The following LYST variants were observed in gnomAD, a reference collection of about 807,000 sequenced individuals.
The protein encoded by LYST is lysosomal trafficking regulator.
Under a neutral mutation model 413.6 loss-of-function variants are expected in LYST, and 192 were observed. The observed-to-expected ratio is 0.46, with a 90% CI of 0.41 to 0.52. The LOEUF (loss-of-function observed/expected upper bound fraction) is 0.52. Ranked by LOEUF, LYST falls within the 20% of genes least tolerant of loss-of-function variation. The pLI is 0.00. For synonymous variants in LYST, 1,525 were observed against 1,567.3 expected (o/e 0.97, Z 0.64); for missense variants, 3,815 against 4,499.9 (o/e 0.85, Z 4.35).
intron 25 of LYST, 45 bp downstream of exon 25, chr1:235,755,433 A>AAAAGAAAAG: frequency 8.6e-7 from 1 of 1,163,382 alleles, no homozygotes; most frequent in Non-Finnish European, 1.2e-6. Context: ...GAAAAGAAAA[A>AAAAGAAAAG]AGACAAAAGA....
At chr1:235,827,345 G>A (rs896435595) in intron 3 of LYST, 12 of 727,882 alleles carry the variant, frequency 1.6e-5, no homozygotes, top group Non-Finnish European at 1.8e-5. Context: ...GTCCAGCCTG[G>A]GTGAAAAAGT....
chr1:235,788,845 T>G lies in LYST; in HGVS notation c.4544A>C (p.Glu1515Ala), dbSNP rs1355667337. The change falls in exon 13 of 53, where the codon GAG (glutamate) becomes GCG (alanine). Residue 1515 changes from glutamate to alanine, a missense_variant and splice_region_variant. Around this residue, in one of 4 missense-constraint regions of LYST, gnomAD observed 1,648 missense variants for 1,810.3 expected, o/e 0.91. Transcript: ENST00000389793. ...CTCTGCACCTTCTGGTCTGTCGCTC[T>G]CTATAAGAAAAAGATGTTAGAATGA... ...ILPDSSFDGT[E>A]SDRPEGAEYI... 1.2e-6 allele frequency: 2 copies of G among 1,613,348 alleles called. No individual in the cohort carries two copies. The highest frequency in any genetic ancestry group is 2.7e-5 in the African/African-American group (2 of 74,918).
intron 40 of LYST, among the ~76,000 whole-genome samples, chr1:235,717,535 G>T (rs1662954009): frequency 6.6e-6 from 1 of 152,048 alleles, no homozygotes; most frequent in African/African-American, 2.4e-5. Flanking sequence ...AGGAGCAAAA[G>T]AAAAAGCTCT....
At chr1:235,669,026 G>A (rs1246696425) in intron 50 of LYST, among the ~76,000 whole-genome samples, 1 of 152,180 alleles carries the variant, frequency 6.6e-6, no homozygotes, top group Non-Finnish European at 1.5e-5. Flanking sequence ...ATGTTTTGTA[G>A]AAACAACAAT....
rs1375678536 is a variant in LYST, at chr1:235,664,913, C to A, written c.11039-292G>T. On this transcript the variant is annotated intron_variant, in intron 50 of 52. Transcript: ENST00000389793. This position sits in a 1 kb window ranked among gnomAD's most constrained non-coding sequence, Gnocchi z 4.5. ...AATTCAAGAGATTCTTCTGCCTCAG[C>A]CTTCTAAGTTGCTGGGACAACAGGT... 1.3e-5 allele frequency among the ~76,000 whole-genome samples: 2 copies of A among 152,152 alleles called. No homozygotes were observed. Among genetic ancestry groups the A allele is most frequent in the African/African-American group, 4.8e-5 (2 of 41,412 alleles).
intron 38 of LYST, 90 bp downstream of exon 38, chr1:235,727,986 T>A: frequency 1.1e-6 from 1 of 933,162 alleles, no homozygotes; most frequent in Non-Finnish European, 1.8e-6. Context: ...TGAACTCTAA[T>A]AGTTCTTCCT....
At position 235,809,341 on chromosome 1, in the gene LYST, G is replaced by T; in HGVS notation, c.1477C>A (p.His493Asn). The change falls in exon 5 of 53, where the codon CAT (histidine) becomes AAT (asparagine). Residue 493 changes from histidine (H) to asparagine (N), a missense_variant. By Grantham distance (68) the His-to-Asn change is moderately conservative. Around this residue, in one of 4 missense-constraint regions of LYST, gnomAD observed 1,648 missense variants for 1,810.3 expected, o/e 0.91. Coordinates refer to ENST00000389793, the MANE Select transcript of LYST (RefSeq NM_000081.4). This position sits in a 1 kb window ranked among gnomAD's most constrained non-coding sequence, Gnocchi z 4.0. ...TGCCTTTTTCTTGTACACATCGAAT[G>T]ATGAAGTTGCTCTGATTTCACTTTT... is the stretch of plus-strand genomic sequence containing the variant. ...VKKVKSEQLH[H>N]SMCTRKRHRR... 6.2e-7 allele frequency: 1 copy of T among 1,613,996 alleles called. No homozygotes were observed. Among genetic ancestry groups the T allele is most frequent in the South Asian group, 1.1e-5 (1 of 91,068 alleles).
intron 45 of LYST, among the ~76,000 whole-genome samples, chr1:235,699,448 T>C (rs1173539928): frequency 6.6e-6 from 1 of 152,238 alleles, no homozygotes; most frequent in South Asian, 2.1e-4. Flanking sequence ...TAGTATTTCA[T>C]GGTATATATT....
chr1:235,764,201 A>G (rs1316481962), intron 21 of LYST, among the ~76,000 whole-genome samples: 4 of 152,174 alleles, frequency 2.6e-5, no homozygotes, highest in African/African-American at 9.7e-5. Flanking sequence ...CTCAGTCTTC[A>G]TATGCTCTAT....
intron 19 of LYST, among the ~76,000 whole-genome samples, chr1:235,773,265 C>T (rs1412887647): frequency 6.6e-6 from 1 of 151,764 alleles, no homozygotes; most frequent in Non-Finnish European, 1.5e-5. Context: ...TTGCAGTGAG[C>T]CAAGATCACG....
At position 235,759,265 on chromosome 1, in the gene LYST, T is replaced by G; in HGVS notation, c.6588A>C (p.Gly2196=). ...TATGATCTGCTTTGACCACTGGAAATCCCAGCACTCCCTTTGGGACATCAC... is the reference window on the plus strand; with the variant it reads ...TATGATCTGCTTTGACCACTGGAAAGCCCAGCACTCCCTTTGGGACATCAC... ...SVSDVPKGVL[G]FPVVKADHKQ... Residue 2196 remains glycine, a synonymous_variant, in exon 23 of 53, where the codon GGA becomes GGC. Transcript: ENST00000389793. The G allele has an allele frequency of 1.9e-6, 3 of 1,614,142 alleles. No individual in the cohort carries two copies. The South Asian group carries it at 3.3e-5, about 18-fold the overall frequency.
chr1:235,680,666 T>A (rs1430083908), intron 48 of LYST, among the ~76,000 whole-genome samples: 1 of 151,888 alleles, frequency 6.6e-6, no homozygotes, highest in Non-Finnish European at 1.5e-5. Context: ...TGGCGCAACC[T>A]TGGCCCACTG....
At chr1:235,771,586 A>AATCT (rs10676118) in intron 19 of LYST, among the ~76,000 whole-genome samples, 69,281 of 150,262 alleles carry the variant, frequency 0.46, 17,701 homozygotes, top group African/African-American at 0.69. Flanking sequence ...CACATATTTT[A>AATCT]ATCTATCTTA....
chr1:235,694,689 T>C (rs1043778021), intron 46 of LYST, among the ~76,000 whole-genome samples: 1 of 152,168 alleles, frequency 6.6e-6, no homozygotes, highest in African/African-American at 2.4e-5. Flanking sequence ...ACTCACTAAA[T>C]AGAAACTCCT....
chr1:235,778,953 G>A (rs1485228959), intron 16 of LYST, among the ~76,000 whole-genome samples: 1 of 150,784 alleles, frequency 6.6e-6, no homozygotes, highest in East Asian at 2.0e-4. Context: ...TGCAATCTCC[G>A]CCTCCTAGGT....
intron 43 of LYST, 106 bp from the exon 44 acceptor site, chr1:235,709,414 ACC>A: frequency 1.0e-5 from 9 of 874,670 alleles, no homozygotes; most frequent in Admixed American, 8.3e-5. Context: ...GTGTGCTACA[ACC>A]AAAAAAGGGA....
chr1:235,805,374 G>C (rs966819406), intron 6 of LYST, among the ~76,000 whole-genome samples: 15 of 152,032 alleles, frequency 9.9e-5, no homozygotes, highest in African/African-American at 2.4e-4. Flanking sequence ...ATCTTCCATC[G>C]GTCAAGGGTG....
chr1:235,664,538 CG>C lies in LYST; in HGVS notation c.11121del (p.Val3708TrpfsTer14). 6.2e-7 allele frequency: 1 copy of C among 1,614,136 alleles called. No homozygotes were observed. The highest frequency in any genetic ancestry group is 8.5e-7 in the Non-Finnish European group (1 of 1,179,990). On this transcript the variant is annotated frameshift_variant, in exon 51 of 53. Coordinates refer to ENST00000389793, the MANE Select transcript of LYST (RefSeq NM_000081.4). LOFTEE classifies it high-confidence loss of function. This position sits in a 1 kb window ranked among gnomAD's most constrained non-coding sequence, Gnocchi z 4.5. ...CCCTCAGGCTGGTTGGAGAAAGCCA[CG>C]GAACAGATGATCTCCCTGCAGTGGA... ...GHVHCREIICSVAFSNQPEGV... is the reference protein window; with the variant it reads ...GHVHCREIICXVAFSNQPEGV...
At chr1:235,689,491 C>T (rs1037428103) in intron 47 of LYST, among the ~76,000 whole-genome samples, 34 of 152,058 alleles carry the variant, frequency 2.2e-4, no homozygotes, top group Admixed American at 1.8e-3. Context: ...GCTGAGAGTG[C>T]TGGTAATGTG....
Sources: gnomAD v4.1 joint callset for allele counts (sites outside exome capture counted in the v4.1 genomes callset) on GRCh38, gnomAD v4.1.1 for gene constraint, gnomAD v4.1.1 regional missense constraint, Gnocchi (gnomAD v3.1) non-coding constraint, MANE v1.5 for transcripts, NCBI Gene and HGNC (gene_info 2026-07-23, HGNC 2026-07-21) for gene names.